The following SMAP1 variants were observed in gnomAD, a reference collection of about 807,000 sequenced individuals.
The protein encoded by SMAP1 is small ArfGAP 1.
A neutral mutation model predicts 58.5 loss-of-function variants in SMAP1; 24 were observed. The observed-to-expected ratio is 0.41, with a 90% CI of 0.30 to 0.58. The LOEUF (loss-of-function observed/expected upper bound fraction) is 0.58, where lower values mean the gene tolerates loss of function less well. SMAP1 is among the 20% of genes least tolerant of loss of function. The pLI is 0.29. For synonymous variants in SMAP1, 216 were observed against 196.6 expected (o/e 1.10, Z -0.82); for missense variants, 563 against 566.3 (o/e 0.99, Z 0.06).
intron 3 of SMAP1, among the ~76,000 whole-genome samples, chr6:70,758,479 C>G (rs1442760943): frequency 6.6e-6 from 1 of 151,478 alleles, no homozygotes; most frequent in Non-Finnish European, 1.5e-5. Context: ...ATGTAACTAA[C>G]CTGCACATTG....
intron 6 of SMAP1, among the ~76,000 whole-genome samples, chr6:70,798,963 C>T (rs1022767978): frequency 6.6e-6 from 1 of 152,040 alleles, no homozygotes; most frequent in African/African-American, 2.4e-5. Flanking sequence ...TCCTTGGAGA[C>T]AGGTATTCTC....
At chr6:70,683,415 C>A (rs1766808125) in intron 1 of SMAP1, among the ~76,000 whole-genome samples, 1 of 151,854 alleles carries the variant, frequency 6.6e-6, no homozygotes, top group African/African-American at 2.4e-5. Context: ...TGTGATCCAC[C>A]CGCCTTGGCC....
chr6:70,757,416 C>G (rs996095373), intron 3 of SMAP1, among the ~76,000 whole-genome samples: 7 of 151,868 alleles, frequency 4.6e-5, no homozygotes, highest in African/African-American at 1.7e-4. Context: ...AATAAAAACC[C>G]TAGAAGAAAA....
intron 2 of SMAP1, among the ~76,000 whole-genome samples, chr6:70,738,229 A>G (rs1765687564): frequency 6.6e-6 from 1 of 152,160 alleles, no homozygotes; most frequent in Non-Finnish European, 1.5e-5. Context: ...CAGTTCCAAA[A>G]ACATTTTCAT....
chr6:70,778,747 C>A (rs1001205615), intron 4 of SMAP1, among the ~76,000 whole-genome samples: 3 of 152,242 alleles, frequency 2.0e-5, no homozygotes, highest in African/African-American at 7.2e-5. Flanking sequence ...GGCCCCTGGG[C>A]AGTCCATGCT....
At chr6:70,745,766 G>A (rs1219770439) in intron 2 of SMAP1, among the ~76,000 whole-genome samples, 1 of 152,198 alleles carries the variant, frequency 6.6e-6, no homozygotes, top group Non-Finnish European at 1.5e-5. Flanking sequence ...ACCTTGGGCA[G>A]TATGGCCATT....
At chr6:70,853,735 AAAAG>A (rs1319546210) in intron 8 of SMAP1, among the ~76,000 whole-genome samples, 1 of 152,200 alleles carries the variant, frequency 6.6e-6, no homozygotes, top group Non-Finnish European at 1.5e-5. Flanking sequence ...ACACACATAA[AAAAG>A]AGAATATTGT....
chr6:70,835,562 G>C (rs1469244270), intron 6 of SMAP1, among the ~76,000 whole-genome samples: 1 of 152,076 alleles, frequency 6.6e-6, no homozygotes, highest in Non-Finnish European at 1.5e-5. Context: ...CTGGAACTGC[G>C]GTAGTGCAAT....
At chr6:70,785,497 A>G (rs908543645) in intron 4 of SMAP1, among the ~76,000 whole-genome samples, 3 of 152,256 alleles carry the variant, frequency 2.0e-5, no homozygotes, top group African/African-American at 7.2e-5. Flanking sequence ...CCTTCAAAAA[A>G]TCAATGAATC....
chr6:70,794,406 G>C (rs539009566), intron 5 of SMAP1, among the ~76,000 whole-genome samples: 1 of 152,150 alleles, frequency 6.6e-6, no homozygotes, highest in Non-Finnish European at 1.5e-5. Context: ...GCCAGAATCA[G>C]AGTAGGTGAC....
chr6:70,678,477 A>G (rs2128550465), intron 1 of SMAP1, among the ~76,000 whole-genome samples: 1 of 152,304 alleles, frequency 6.6e-6, no homozygotes. Flanking sequence ...TAGGGTGATG[A>G]TGGTGCACAG....
At chr6:70,807,637 A>T (rs1478071011) in intron 6 of SMAP1, among the ~76,000 whole-genome samples, 1 of 152,182 alleles carries the variant, frequency 6.6e-6, no homozygotes, top group African/African-American at 2.4e-5. Context: ...GAAGTTTCTA[A>T]GTTTTATAGG....
chr6:70,684,603 C>T (rs1766856490), intron 1 of SMAP1, among the ~76,000 whole-genome samples: 1 of 152,090 alleles, frequency 6.6e-6, no homozygotes, highest in Non-Finnish European at 1.5e-5. Flanking sequence ...AGTAAACTAA[C>T]ATTTAAAAAA....
At chr6:70,701,426 G>A (rs144120792) in intron 1 of SMAP1, among the ~76,000 whole-genome samples, 33 of 152,260 alleles carry the variant, frequency 2.2e-4, no homozygotes, top group East Asian at 9.7e-4. Context: ...GCACAGCACC[G>A]GGACTTGCCT....
At chr6:70,858,997 G>A (rs759382523) in intron 10 of SMAP1, 2 of 183,012 alleles carry the variant, frequency 1.1e-5, no homozygotes, top group Non-Finnish European at 2.3e-5. Flanking sequence ...AGAGGTTCAT[G>A]CTCCCACTCT....
rs528696688 is a variant in SMAP1, at chr6:70,773,105, A to G, written c.339-245A>G. ...ATGTAGGAATTAAGAATTGTCATTTACTTTTCTTTCTAGAATTAGTTTGGA... is the reference window on the plus strand; with the variant it reads ...ATGTAGGAATTAAGAATTGTCATTTGCTTTTCTTTCTAGAATTAGTTTGGA... On this transcript the variant is annotated intron_variant, in intron 3 of 10. Transcript: ENST00000370455. 5.7e-5 allele frequency: 20 copies of G among 353,846 alleles called. No individual in the cohort carries two copies. In the South Asian group the frequency reaches 7.7e-4, roughly 14 times the overall value. 21.9% of individuals were successfully genotyped at this position (353,846 alleles called of 1,614,324 possible).
chr6:70,680,939 G>A (rs929591220), intron 1 of SMAP1, among the ~76,000 whole-genome samples: 1 of 151,678 alleles, frequency 6.6e-6, no homozygotes, highest in African/African-American at 2.4e-5. Flanking sequence ...GGCTGGTCTC[G>A]AACTCCTGAC....
At chr6:70,806,311 A>G (rs758495548) in intron 6 of SMAP1, among the ~76,000 whole-genome samples, 1 of 152,234 alleles carries the variant, frequency 6.6e-6, no homozygotes, top group Non-Finnish European at 1.5e-5. Context: ...GGACCTGCCA[A>G]GCCAGGCACG....
intron 1 of SMAP1, among the ~76,000 whole-genome samples, chr6:70,679,800 A>T (rs1019504439): frequency 2.6e-5 from 4 of 152,192 alleles, no homozygotes; most frequent in Non-Finnish European, 5.9e-5. Flanking sequence ...TTAAGATGTC[A>T]GTTCTCTCCA....
Sources: allele counts gnomAD v4.1 joint callset (sites outside exome capture counted in the v4.1 genomes callset), GRCh38; gene constraint gnomAD v4.1.1; transcripts MANE v1.5; gene names NCBI Gene and HGNC (gene_info 2026-07-23, HGNC 2026-07-21).